Variants in KCNIP1 observed in about 807,000 individuals in gnomAD.
KCNIP1 encodes A-type potassium channel modulatory protein KCNIP1.
KCNIP1 carries 18 observed loss-of-function variants against 33.0 expected under a neutral mutation model. The observed-to-expected ratio is 0.55, with a 90% CI of 0.38 to 0.81. The LOEUF is 0.81. Ranked by LOEUF, KCNIP1 falls within the 30% of genes least tolerant of loss-of-function variation. The probability of loss-of-function intolerance (pLI) is 0.00; values close to 1 mark genes in which losing one functional copy is unlikely to be tolerated. For missense variants in KCNIP1, 238 were observed against 271.6 expected (o/e 0.88, Z 0.87); for synonymous variants, 93 against 98.3 (o/e 0.95, Z 0.32).
intron 1 of KCNIP1, among the ~76,000 whole-genome samples, chr5:170,679,927 A>G (rs962476613): frequency 1.3e-5 from 2 of 152,054 alleles, no homozygotes; most frequent in Non-Finnish European, 2.9e-5. Flanking sequence ...ATCCTTGTAC[A>G]TATATATTTG....
intron 1 of KCNIP1, among the ~76,000 whole-genome samples, chr5:170,368,644 T>C (rs1763763647): frequency 6.6e-6 from 1 of 152,214 alleles, no homozygotes; most frequent in Non-Finnish European, 1.5e-5. Flanking sequence ...CACAAACATA[T>C]CATTCACTAA....
At chr5:170,408,134 G>C (rs10051800) in intron 1 of KCNIP1, among the ~76,000 whole-genome samples, 25,669 of 152,132 alleles carry the variant, frequency 0.17, 3,476 homozygotes, top group African/African-American at 0.38. Flanking sequence ...TTGTCATTTG[G>C]CTGTTAATGT....
At chr5:170,648,926 A>G (rs139516839) in intron 1 of KCNIP1, among the ~76,000 whole-genome samples, 1 of 152,350 alleles carries the variant, frequency 6.6e-6, no homozygotes, top group African/African-American at 2.4e-5. Flanking sequence ...ACTCTAAAAA[A>G]TAAAGTTTAT....
chr5:170,425,966 G>C (rs1227392549), intron 1 of KCNIP1, among the ~76,000 whole-genome samples: 1 of 152,192 alleles, frequency 6.6e-6, no homozygotes, highest in Non-Finnish European at 1.5e-5. Context: ...CATGCTCTAG[G>C]ACTCAGGCAT....
chr5:170,400,370 G>A (rs565274022), intron 1 of KCNIP1, among the ~76,000 whole-genome samples: 1 of 152,142 alleles, frequency 6.6e-6, no homozygotes, highest in East Asian at 1.9e-4. Flanking sequence ...AGAAGCCCAG[G>A]GGAAATTACC....
At position 170,506,236 on chromosome 5, in the gene KCNIP1, C is replaced by T. The variant is rs60700205; in HGVS notation, c.61+1603C>T. The stretch of plus-strand genomic sequence containing the variant: ...TCAAGTGGAGTCTGGGTGTGAATCC[C>T]AGCTCCATCACTCCCTGCCTCTGGG... On this transcript the variant is annotated intron_variant, in intron 1 of 7. Coordinates refer to ENST00000328939, the MANE Select transcript of KCNIP1 (RefSeq NM_014592.4). 5.4e-3 allele frequency among the ~76,000 whole-genome samples: 818 copies of T among 152,168 alleles called. 9 individuals carry two copies. The highest frequency in any genetic ancestry group is 0.018 in the African/African-American group (745 of 41,520).
At chr5:170,516,578 CA>C (rs1293996828) in intron 1 of KCNIP1, among the ~76,000 whole-genome samples, 1 of 152,184 alleles carries the variant, frequency 6.6e-6, no homozygotes, top group African/African-American at 2.4e-5. Flanking sequence ...CACCCGCCAA[CA>C]GCATATTCAC....
chr5:170,628,232 G>A (rs889255144), intron 1 of KCNIP1, among the ~76,000 whole-genome samples: 10 of 151,990 alleles, frequency 6.6e-5, no homozygotes, highest in African/African-American at 1.7e-4. Flanking sequence ...GCTTTTCCCC[G>A]CCCTTCTCCC....
intron 1 of KCNIP1, among the ~76,000 whole-genome samples, chr5:170,636,918 C>T (rs1760307176): frequency 6.6e-6 from 1 of 152,088 alleles, no homozygotes; most frequent in Non-Finnish European, 1.5e-5. Context: ...GTCATGGCTT[C>T]TAAGTGGTGG....
chr5:170,667,822 T>C (rs1048327984), intron 1 of KCNIP1, among the ~76,000 whole-genome samples: 1 of 152,348 alleles, frequency 6.6e-6, no homozygotes, highest in Admixed American at 6.5e-5. Context: ...AGCCAATTAA[T>C]ATTACTCGAG....
chr5:170,490,411 T>C (rs148938010), intron 1 of KCNIP1, among the ~76,000 whole-genome samples: 166 of 152,306 alleles, frequency 1.1e-3, no homozygotes, highest in African/African-American at 3.8e-3. Flanking sequence ...ACAGTTGGTA[T>C]CTTGACTGTG....
At chr5:170,372,565 A>G (rs534600708) in intron 1 of KCNIP1, among the ~76,000 whole-genome samples, 179 of 152,166 alleles carry the variant, frequency 1.2e-3, no homozygotes, top group African/African-American at 4.1e-3. Flanking sequence ...CAGGCCCACC[A>G]AGAGTTATCT....
intron 1 of KCNIP1, among the ~76,000 whole-genome samples, chr5:170,550,884 C>G (rs1307168338): frequency 2.0e-5 from 3 of 152,146 alleles, no homozygotes; most frequent in Non-Finnish European, 4.4e-5. Flanking sequence ...AATTGGCCAC[C>G]AAGAACTGTG....
At chr5:170,395,923 A>G (rs1206225252) in intron 1 of KCNIP1, among the ~76,000 whole-genome samples, 2 of 152,208 alleles carry the variant, frequency 1.3e-5, no homozygotes, top group Non-Finnish European at 2.9e-5. Flanking sequence ...TCCTGTGTGA[A>G]TCGGTGTCCC....
At chr5:170,633,201 G>A (rs1372983352) in intron 1 of KCNIP1, among the ~76,000 whole-genome samples, 1 of 152,120 alleles carries the variant, frequency 6.6e-6, no homozygotes, top group East Asian at 1.9e-4. Context: ...CTGGCGTCCA[G>A]AAGAGGTAAG....
intron 1 of KCNIP1, among the ~76,000 whole-genome samples, chr5:170,371,975 C>T (rs1486885131): frequency 6.6e-6 from 1 of 152,156 alleles, no homozygotes; most frequent in Non-Finnish European, 1.5e-5. Flanking sequence ...CAATTTAATT[C>T]AATTCTGACA....
intron 1 of KCNIP1, among the ~76,000 whole-genome samples, chr5:170,713,075 C>T (rs1188019976): frequency 6.6e-6 from 1 of 152,180 alleles, no homozygotes. Flanking sequence ...AAAAGCTTTG[C>T]TCCCCGTAAG....
At chr5:170,632,935 C>A (rs1760115413) in intron 1 of KCNIP1, among the ~76,000 whole-genome samples, 1 of 152,166 alleles carries the variant, frequency 6.6e-6, no homozygotes, top group East Asian at 1.9e-4. Context: ...CGTTCCCTCG[C>A]GTGGGGGTGG....
At chr5:170,706,404 G>C (rs567197391) in intron 1 of KCNIP1, among the ~76,000 whole-genome samples, 1 of 152,254 alleles carries the variant, frequency 6.6e-6, no homozygotes, top group East Asian at 1.9e-4. Context: ...CTAACAGCCT[G>C]AACTGGGCTG....
Sources: gnomAD v4.1 joint callset for allele counts (sites outside exome capture counted in the v4.1 genomes callset) on GRCh38, gnomAD v4.1.1 for gene constraint, MANE v1.5 for transcripts, NCBI Gene and HGNC (gene_info 2026-07-23, HGNC 2026-07-21) for gene names.